DMXL1: variants seen among roughly 807,000 people sequenced by gnomAD.
DMXL1 encodes dmX-like protein 1.
Under a neutral mutation model 319.2 loss-of-function variants are expected in DMXL1, and 99 were observed. The observed-to-expected ratio is 0.31, with a 90% CI of 0.26 to 0.37. The LOEUF (loss-of-function observed/expected upper bound fraction) is 0.37. DMXL1 is among the 10% of genes least tolerant of loss of function. The pLI, the probability that DMXL1 is intolerant of heterozygous loss-of-function variation, is 1.00. For synonymous variants in DMXL1, 1,385 were observed against 1,235.2 expected, an observed-to-expected ratio of 1.12 and a Z score of -2.54; for missense variants, 3,745 against 3,595.6, an observed-to-expected ratio of 1.04 and a Z score of -1.06.
intron 30 of DMXL1, among the ~76,000 whole-genome samples, chr5:119,194,507 T>G (rs186897012): frequency 6.7e-6 from 1 of 149,978 alleles, no homozygotes; most frequent in East Asian, 1.9e-4. Context: ...TCTATTGATA[T>G]GTTTACATCT....
chr5:119,081,776 A>T, intron 1 of DMXL1: 2 of 953,010 alleles, frequency 2.1e-6, no homozygotes, highest in East Asian at 2.3e-4. Flanking sequence ...TCTTACGTGT[A>T]TTTGAAGGTA....
At chr5:119,102,628 C>A (rs963747191) in intron 3 of DMXL1, among the ~76,000 whole-genome samples, 2 of 152,006 alleles carry the variant, frequency 1.3e-5, no homozygotes, top group Non-Finnish European at 2.9e-5. Context: ...CCAGCCTGGG[C>A]AAGATTTTAA....
intron 19 of DMXL1, among the ~76,000 whole-genome samples, chr5:119,153,763 A>G (rs1561741451): frequency 1.3e-5 from 2 of 152,222 alleles, no homozygotes; most frequent in Non-Finnish European, 2.9e-5. Context: ...TTTAAGGCTG[A>G]CTGGTACTCC....
rs776396988 is a variant in DMXL1, at chr5:119,167,627, A to C, written c.5161A>C (p.Ile1721Leu). 2.5e-6 allele frequency: 4 copies of C among 1,605,480 alleles called. No homozygotes were observed. In the African/African-American group the frequency reaches 4.0e-5, roughly 16 times the overall value. The change falls in exon 23 of 44, where the codon ATT becomes CTT. Residue 1721 changes from isoleucine to leucine, a missense_variant. Transcript: ENST00000539542. ...IEVCLEKLND[I>L]QLALVIARLY... Reference sequence around the variant, plus strand: ...GGTATGTCTTGAGAAATTGAATGACATTCAGTTGGCTCTTGTAATAGCAAG... The same window carrying C: ...GGTATGTCTTGAGAAATTGAATGACCTTCAGTTGGCTCTTGTAATAGCAAG...
chr5:119,087,593 A>G (rs1227802647), intron 1 of DMXL1, among the ~76,000 whole-genome samples: 3 of 152,094 alleles, frequency 2.0e-5, no homozygotes, highest in East Asian at 1.9e-4. Flanking sequence ...CTTCTTGGGA[A>G]TAGTCTATGT....
chr5:119,202,549 C>T (rs1422577452), intron 32 of DMXL1, among the ~76,000 whole-genome samples: 1 of 152,000 alleles, frequency 6.6e-6, no homozygotes, highest in African/African-American at 2.4e-5. Flanking sequence ...AACTTTGTTT[C>T]ATGCACACAA....
intron 13 of DMXL1, 152 bp from the exon 14 acceptor site, chr5:119,143,689 C>CT (rs1217351107): frequency 2.2e-6 from 1 of 454,572 alleles, no homozygotes; most frequent in Non-Finnish European, 3.9e-6. Context: ...CCTATAAAGA[C>CT]TAAAGACCTA....
intron 41 of DMXL1, 106 bp from the exon 42 acceptor site, chr5:119,240,313 G>T: frequency 1.5e-6 from 1 of 659,314 alleles, no homozygotes. Context: ...ATAAATTTAA[G>T]AACCTTCTGT....
At chr5:119,181,026 C>T (rs1176964648) in intron 28 of DMXL1, among the ~76,000 whole-genome samples, 1 of 152,118 alleles carries the variant, frequency 6.6e-6, no homozygotes, top group African/African-American at 2.4e-5. Flanking sequence ...TGTAAGGAAC[C>T]ATATTGAAAG....
intron 7 of DMXL1, 21 bp from the exon 8 acceptor site, chr5:119,118,794 T>C: frequency 6.4e-7 from 1 of 1,562,798 alleles, no homozygotes; most frequent in Non-Finnish European, 8.7e-7. Context: ...TTTTTGCTTC[T>C]AAAATCTTTT....
Position 119,071,371 on chromosome 5 carries a change from CCCCTCCGGGCCTCG to C in DMXL1, c.-189_-176del, listed in dbSNP as rs1315035820. 9 of 560,566 alleles carry C rather than the reference CCCCTCCGGGCCTCG, an allele frequency of 1.6e-5. No homozygotes were observed. The highest frequency in any genetic ancestry group is 6.1e-5 in the African/African-American group (3 of 49,124). 34.7% of individuals were successfully genotyped at this position (560,566 alleles called of 1,614,324 possible). On this transcript the variant is annotated 5_prime_UTR_variant, in exon 1 of 44. Transcript: ENST00000539542. ...GCGCTCCGCCCTCTCGCCGACCCGC[CCCCTCCGGGCCTCG>C]CCCTCCGGGGCTCGGGATGAGTCGC...
intron 18 of DMXL1, among the ~76,000 whole-genome samples, chr5:119,151,145 T>C (rs1018721330): frequency 1.3e-5 from 2 of 152,112 alleles, no homozygotes; most frequent in Non-Finnish European, 2.9e-5. Context: ...TTTAAAACAT[T>C]GAGTTTTTTT....
intron 1 of DMXL1, among the ~76,000 whole-genome samples, chr5:119,076,240 CTG>C (rs370589729): frequency 3.3e-5 from 5 of 152,268 alleles, no homozygotes; most frequent in African/African-American, 1.2e-4. Flanking sequence ...AATCAAAAGA[CTG>C]TAATTATGTG....
chr5:119,233,297 A>T (rs373227323), intron 38 of DMXL1, 43 bp from the exon 39 acceptor site: 4 of 1,585,140 alleles, frequency 2.5e-6, no homozygotes, highest in South Asian at 1.2e-5. Flanking sequence ...TTTCCCAAAG[A>T]TTCTTGAAAT....
intron 1 of DMXL1, among the ~76,000 whole-genome samples, chr5:119,075,666 A>G (rs1750674095): frequency 6.6e-6 from 1 of 151,918 alleles, no homozygotes; most frequent in South Asian, 2.1e-4. Context: ...TGCTTCCTTC[A>G]TGCCTTTTTC....
chr5:119,129,136 A>G, intron 9 of DMXL1, 75 bp from the exon 10 acceptor site: 1 of 870,376 alleles, frequency 1.1e-6, no homozygotes, highest in South Asian at 1.8e-5. Flanking sequence ...TGTAATAGTA[A>G]TAAAAATATG....
Position 119,149,936 on chromosome 5 carries a change from G to T in DMXL1, c.4109G>T (p.Arg1370Leu), listed in dbSNP as rs759785716. ...GAAGCTGAATCTAATCATGAACGCC[G>T]CCTTAGGTCTCTCACAATCAGTGCT... ...LNEAESNHER[R>L]LRSLTISASG... The change falls in exon 18 of 44, where the codon CGC becomes CTC. Residue 1370 changes from arginine to leucine, a missense_variant. Coordinates refer to ENST00000539542, the MANE Select transcript of DMXL1 (RefSeq NM_001290321.3). 1 of 1,613,844 alleles carries T rather than the reference G, an allele frequency of 6.2e-7. No individual in the cohort carries two copies. Among genetic ancestry groups the T allele is most frequent in the Non-Finnish European group, 8.5e-7 (1 of 1,179,896 alleles).
intron 8 of DMXL1, among the ~76,000 whole-genome samples, chr5:119,120,072 G>T (rs537323994): frequency 4.6e-5 from 7 of 151,792 alleles, no homozygotes; most frequent in Non-Finnish European, 1.0e-4. Flanking sequence ...GTGGAGATGG[G>T]GTTTTGCCAT....
chr5:119,135,493 C>T (rs898389859), intron 13 of DMXL1, among the ~76,000 whole-genome samples: 2 of 152,102 alleles, frequency 1.3e-5, no homozygotes, highest in Non-Finnish European at 2.9e-5. Context: ...ACAGCCAGTT[C>T]AGAGATCCCA....
Sources: gnomAD v4.1 joint callset for allele counts (sites outside exome capture counted in the v4.1 genomes callset) on GRCh38, gnomAD v4.1.1 for gene constraint, MANE v1.5 for transcripts, NCBI Gene and HGNC (gene_info 2026-07-23, HGNC 2026-07-21) for gene names.